The following MEST variants were observed in gnomAD, a reference collection of about 807,000 sequenced individuals.
The protein encoded by MEST is mesoderm specific transcript.
In MEST, 18 loss-of-function variants were observed where a neutral mutation model predicts 50.9. The observed-to-expected ratio is 0.35, with a 90% confidence interval of 0.24 to 0.52. The LOEUF (loss-of-function observed/expected upper bound fraction) is 0.52, where lower values mean the gene tolerates loss of function less well. MEST is among the 20% of genes least tolerant of loss of function. MEST has a pLI of 0.94. For missense variants in MEST, 282 were observed against 425.3 expected, an observed-to-expected ratio of 0.66 and a Z score of 2.96; for synonymous variants, 130 against 154.1, an observed-to-expected ratio of 0.84 and a Z score of 1.16.
At position 130,500,682 on chromosome 7, in the gene MEST, A is replaced by G. The variant is rs896424656; in HGVS notation, c.648-107A>G. ...AGTAGAAGGAATTCATAAATCACTT[A>G]TGGGTCAGACTGCATGGCCCAGACT... On this transcript the variant is annotated intron_variant, in intron 8 of 11. Transcript: ENST00000223215. This position sits in a 1 kb window ranked among gnomAD's most constrained non-coding sequence, Gnocchi z 5.0. 2.7e-5 allele frequency: 32 copies of G among 1,195,868 alleles called. No individual in the cohort carries two copies. The highest frequency in any genetic ancestry group is 3.6e-5 in the Non-Finnish European group (30 of 837,948). The allele number at this position is 1,195,868 out of a possible 1,614,324, so 74.1% of individuals were successfully genotyped here.
At chr7:130,501,047 A>G (rs1245214905) in intron 9 of MEST, 157 bp downstream of exon 9, 6 of 564,420 alleles carry the variant, frequency 1.1e-5, no homozygotes, top group Non-Finnish European at 1.6e-5. Context: ...GAAGAAAGAA[A>G]TAGAAAATAA....
rs782394801 is a variant in MEST at position 130,500,870 on chromosome 7, C to T, written c.729C>T (p.Asp243=). The T allele has an allele frequency of 4.6e-5, 74 of 1,613,744 alleles. No homozygotes were observed. The highest frequency in any genetic ancestry group is 5.5e-5 in the South Asian group (5 of 91,024). The change falls in exon 9 of 12, where the codon GAC becomes GAT. Residue 243 remains aspartate (D), a synonymous_variant. Coordinates refer to ENST00000223215, the MANE Select transcript of MEST (RefSeq NM_002402.4). This position sits in a 1 kb window ranked among gnomAD's most constrained non-coding sequence, Gnocchi z 5.0. The part of the protein sequence containing the change: ...WDMWAGIRNN[D]GNLVIDSLLQ... ...TGTGGGCAGGGATCCGCAACAATGA[C>T]GGGAACTTAGTCATTGACAGGTAAG...
At chr7:130,498,663 T>A (rs568412311) in intron 6 of MEST, 186 bp downstream of exon 6, 455 of 625,034 alleles carry the variant, frequency 7.3e-4, no homozygotes, top group Admixed American at 1.7e-3. Flanking sequence ...TTTCTCAGAA[T>A]GTTTTAAAAT....
At chr7:130,490,480 G>A (rs1484756181), upstream of MEST, among the ~76,000 whole-genome samples, 1 of 152,054 alleles carries the variant, frequency 6.6e-6, no homozygotes, top group African/African-American at 2.4e-5. Context: ...TCCCCTGTGC[G>A]CCCTCAAATT....
chr7:130,499,819 TAA>T (rs371366670), intron 6 of MEST, 54 bp from the exon 7 acceptor site: 277 of 1,199,532 alleles, frequency 2.3e-4, no homozygotes, highest in Admixed American at 6.6e-4. Context: ...CCCGTCTCTA[TAA>T]AAAAAAAAAA....
At position 130,497,028 on chromosome 7, in the gene MEST, T is replaced by C. The variant is rs529996613; in HGVS notation, c.182-128T>C. On this transcript the variant is annotated intron_variant, in intron 2 of 11. Transcript: ENST00000223215. The surrounding 1 kb of genome is among the most constrained non-coding windows in gnomAD (Gnocchi z 4.0). ...AGTTAAGCTTACATTTTACAAATAA[T>C]TGTGTCATTTTAATGTCAATTTGGT... 4 of 659,188 alleles carry C rather than the reference T, an allele frequency of 6.1e-6. No individual in the cohort carries two copies. The highest frequency in any genetic ancestry group is 3.7e-5 in the African/African-American group (2 of 53,916). 40.8% of individuals were successfully genotyped at this position (659,188 alleles called of 1,614,324 possible).
At chr7:130,486,338 A>G (rs1798618042) in exon 1 of MEST, 1 of 152,268 alleles carries the variant, frequency 6.6e-6, no homozygotes, top group Non-Finnish European at 1.5e-5. Context: ...CAGGAAGCGC[A>G]TGCGCAACCG....
rs184985698 is a variant in MEST, at chr7:130,493,653, C to T, written c.26+1314C>T. ...ACCCCCCACTTTCCCTGAGCAGCGG[C>T]GGGGAAGCCTCCCCATTTGCCGCTC... On this transcript the variant is annotated intron_variant, in intron 1 of 11. Coordinates refer to ENST00000223215, the MANE Select transcript of MEST (RefSeq NM_002402.4). Among the ~76,000 whole-genome samples the T allele has an allele frequency of 3.9e-4, 59 of 152,256 alleles. 1 individual carries two copies. The East Asian group carries it at 0.011, about 27-fold the overall frequency.
rs1798859292 is a variant in MEST at position 130,492,388 on chromosome 7, A to G, written c.26+49A>G. The G allele has an allele frequency of 2.4e-6, 3 of 1,257,514 alleles. No individual in the cohort carries two copies. The highest frequency in any genetic ancestry group is 3.0e-6 in the Non-Finnish European group (3 of 994,008). 77.9% of individuals were successfully genotyped at this position (1,257,514 alleles called of 1,614,324 possible). A position where few individuals can be genotyped will look rare whatever the true frequency, so the allele number is the denominator to read the frequency against. ...GGGTGTGGCTGGCGGCCCTGGGACT[A>G]GGGCGCAGGCGAGCGGAGGACTGTG... On this transcript the variant is annotated intron_variant, in intron 1 of 11. Coordinates refer to ENST00000223215, the MANE Select transcript of MEST (RefSeq NM_002402.4). This position sits in a 1 kb window ranked among gnomAD's most constrained non-coding sequence, Gnocchi z 7.6.
chr7:130,503,876 T>G, intron 10 of MEST, 57 bp from the exon 11 acceptor site: 1 of 1,273,908 alleles, frequency 7.8e-7, no homozygotes, highest in Non-Finnish European at 1.1e-6. Context: ...AATTTTAGGG[T>G]GGGAGTAGAA....
At chr7:130,486,721 GAC>G (rs1798631022) in intron 1 of MEST, 1 of 152,242 alleles carries the variant, frequency 6.6e-6, no homozygotes, top group South Asian at 2.1e-4. Context: ...TGACCCCCGC[GAC>G]AGAGTTTAGT....
chr7:130,498,503 A>T, intron 6 of MEST, 26 bp downstream of exon 6: 1 of 1,609,058 alleles, frequency 6.2e-7, no homozygotes, highest in Non-Finnish European at 8.5e-7. Context: ...GTAGGTAGAA[A>T]GTGGGTGTAA....
rs1289666657 is a variant in MEST, at chr7:130,505,816, T to C, written c.*760T>C. ...AAAATCACAGGACATTAAGGACCAA[T>C]AGCATCTGTGCCAGAGATGTACTGT... On this transcript the variant is annotated 3_prime_UTR_variant, in exon 12 of 12. Transcript: ENST00000223215. 1 of 152,194 alleles carries C rather than the reference T, an allele frequency of 6.6e-6. No homozygotes were observed. The highest frequency in any genetic ancestry group is 1.5e-5 in the Non-Finnish European group (1 of 68,036). 9.4% of individuals were successfully genotyped at this position (152,194 alleles called of 1,614,324 possible). A position where few individuals can be genotyped will look rare whatever the true frequency, so the allele number is the denominator to read the frequency against.
rs1799108576 is a variant in MEST at position 130,497,513 on chromosome 7, C to T, written c.261+278C>T. 7.4e-6 allele frequency: 2 copies of T among 271,442 alleles called. No individual in the cohort carries two copies. Among genetic ancestry groups the T allele is most frequent in the South Asian group, 1.4e-4 (2 of 14,720 alleles). 16.8% of individuals were successfully genotyped at this position (271,442 alleles called of 1,614,324 possible). A position where few individuals can be genotyped will look rare whatever the true frequency, so the allele number is the denominator to read the frequency against. ...CAGAGGTTGCAGTGAGCTGAGATTG[C>T]ACCACTGCACTTCAGCCTAGGTGAC... On this transcript the variant is annotated intron_variant, in intron 3 of 11. Transcript: ENST00000223215. This position sits in a 1 kb window ranked among gnomAD's most constrained non-coding sequence, Gnocchi z 4.0.
chr7:130,495,036 C>T (rs1798989051), intron 1 of MEST, among the ~76,000 whole-genome samples: 1 of 152,020 alleles, frequency 6.6e-6, no homozygotes, highest in South Asian at 2.1e-4. Flanking sequence ...TAAGTCATGT[C>T]CCTTTTATTT....
At position 130,504,010 on chromosome 7, in the gene MEST, A is replaced by C; in HGVS notation, c.890+14A>C. The C allele has an allele frequency of 6.2e-7, 1 of 1,605,250 alleles. No individual in the cohort carries two copies. The highest frequency in any genetic ancestry group is 8.5e-7 in the Non-Finnish European group (1 of 1,172,190). ...GGAGCTGTACAGGTGAGTCTCCCCG[A>C]GAGAAGTCTATGTTTTGTTAGTATC... On this transcript the variant is annotated intron_variant, in intron 11 of 11. Transcript: ENST00000223215.
chr7:130,492,349 CGGT>C lies in MEST; in HGVS notation c.26+13_26+15del, dbSNP rs541916922. 77 of 1,318,024 alleles carry C rather than the reference CGGT, an allele frequency of 5.8e-5. No individual in the cohort carries two copies. Among genetic ancestry groups the C allele is most frequent in the Admixed American group, 4.3e-4 (11 of 25,658 alleles). 81.6% of individuals were successfully genotyped at this position (1,318,024 alleles called of 1,614,324 possible). On this transcript the variant is annotated intron_variant, in intron 1 of 11. Transcript: ENST00000223215. The surrounding 1 kb of genome is among the most constrained non-coding windows in gnomAD (Gnocchi z 7.6). ...GAGATCGCCTCCGCAGGTGAGTGTG[CGGT>C]GGGAACGAGGGGGTGTGGCTGGCGG...
At position 130,500,650 on chromosome 7, in the gene MEST, C is replaced by A; in HGVS notation, c.647+118C>A. 1 of 1,253,634 alleles carries A rather than the reference C, an allele frequency of 8.0e-7. No individual in the cohort carries two copies. The highest frequency in any genetic ancestry group is 1.1e-6 in the Non-Finnish European group (1 of 889,226). The allele number at this position is 1,253,634 out of a possible 1,614,324, so 77.7% of individuals were successfully genotyped here. A position where few individuals can be genotyped will look rare whatever the true frequency, so the allele number is the denominator to read the frequency against. ...TTAAAGCAAAGGTGTTGGCCGCTTG[C>A]CAGGGAAGTAGAAGGAATTCATAAA... On this transcript the variant is annotated intron_variant, in intron 8 of 11. Coordinates refer to ENST00000223215, the MANE Select transcript of MEST (RefSeq NM_002402.4). The surrounding 1 kb of genome is among the most constrained non-coding windows in gnomAD (Gnocchi z 5.0).
In MEST at chr7:130,503,679, T is replaced by C. The variant is rs572666419; in HGVS notation, c.827-254T>C. 2.6e-5 allele frequency among the ~76,000 whole-genome samples: 4 copies of C among 152,146 alleles called. No homozygotes were observed. The South Asian group carries it at 8.3e-4, about 32-fold the overall frequency. On this transcript the variant is annotated intron_variant, in intron 10 of 11. Coordinates refer to ENST00000223215, the MANE Select transcript of MEST (RefSeq NM_002402.4). ...ATTTAAAAGTTAGCCAAGTGTGGTG[T>C]TGCACACCTGTATGTAGTCTCAGCT...
Sources: allele counts gnomAD v4.1 joint callset (sites outside exome capture counted in the v4.1 genomes callset), GRCh38; gene constraint gnomAD v4.1.1; non-coding constraint Gnocchi (gnomAD v3.1); transcripts MANE v1.5; gene names NCBI Gene and HGNC (gene_info 2026-07-23, HGNC 2026-07-21).